The following PIGL variants were observed in gnomAD, a reference collection of about 807,000 sequenced individuals.
PIGL encodes N-acetylglucosaminyl-phosphatidylinositol de-N-acetylase.
In PIGL, 22 loss-of-function variants were observed where a neutral mutation model predicts 31.1. The observed-to-expected ratio is 0.71, with a 90% CI of 0.51 to 1.01. The LOEUF (loss-of-function observed/expected upper bound fraction) is 1.01, where lower values mean the gene tolerates loss of function less well. Among genes scored for constraint, PIGL ranks in the 50% least tolerant of loss-of-function variants. The probability of loss-of-function intolerance (pLI) is 0.00; values close to 1 mark genes in which losing one functional copy is unlikely to be tolerated. For synonymous variants in PIGL, 131 were observed against 117.4 expected (o/e 1.12, Z -0.75); for missense variants, 302 against 315.9 (o/e 0.96, Z 0.33).
Position 16,326,085 on chromosome 17 carries a change from C to T in PIGL, c.*187C>T, listed in dbSNP as rs1484303910. 1.8e-6 allele frequency: 1 copy of T among 567,380 alleles called. No individual in the cohort carries two copies. Among genetic ancestry groups the T allele is most frequent in the Non-Finnish European group, 3.1e-6 (1 of 320,948 alleles). The allele number at this position is 567,380 out of a possible 1,614,324, so 35.1% of individuals were successfully genotyped here. On this transcript the variant is annotated 3_prime_UTR_variant, in exon 7 of 7. Transcript: ENST00000225609. The stretch of plus-strand genomic sequence containing the variant: ...CCAGCTTCTTCCCCTGGGAAAAAAC[C>T]CAAAGAACCAAAAACAAACCACCCC...
Position 16,316,699 on chromosome 17 carries a change from G to A in PIGL, c.513G>A (p.Gly171=), listed in dbSNP as rs1208949560. The change falls in exon 5 of 7, where the codon GGG becomes GGA. Residue 171 remains glycine, a synonymous_variant. Transcript: ENST00000225609. ...CCTCCAGGGCCCTGCACTCAGAAGG[G>A]AAGTTACCTAAAGGTAAGGCTTGTT... ...YAAVRALHSE[G]KLPKGCSVLT... 1.2e-6 allele frequency: 2 copies of A among 1,607,208 alleles called. No individual in the cohort carries two copies. Among genetic ancestry groups the A allele is most frequent in the Admixed American group, 1.7e-5 (1 of 59,894 alleles).
At chr17:16,287,385 A>G (rs2092942732) in intron 2 of PIGL, among the ~76,000 whole-genome samples, 1 of 152,246 alleles carries the variant, frequency 6.6e-6, no homozygotes, top group African/African-American at 2.4e-5. Flanking sequence ...GGGAACACAC[A>G]GCCAGTGCCC....
intron 2 of PIGL, among the ~76,000 whole-genome samples, chr17:16,240,686 A>T (rs2092719080): frequency 6.6e-6 from 1 of 151,110 alleles, no homozygotes; most frequent in Non-Finnish European, 1.5e-5. Flanking sequence ...TTTTCGGTAG[A>T]GATGGAGTCT....
At chr17:16,222,901 A>G (rs1027912492) in intron 1 of PIGL, among the ~76,000 whole-genome samples, 1 of 151,960 alleles carries the variant, frequency 6.6e-6, no homozygotes, top group African/African-American at 2.4e-5. Context: ...AATCCCAGCT[A>G]CTCTGGAGGC....
At chr17:16,285,744 C>A (rs926115490) in intron 2 of PIGL, among the ~76,000 whole-genome samples, 3 of 152,000 alleles carry the variant, frequency 2.0e-5, no homozygotes, top group Admixed American at 6.6e-5. Context: ...TTTTTTCAGT[C>A]CTTTTTCTTT....
intron 2 of PIGL, among the ~76,000 whole-genome samples, chr17:16,293,476 C>T (rs1486847368): frequency 2.0e-5 from 3 of 152,144 alleles, no homozygotes; most frequent in Non-Finnish European, 2.9e-5. Flanking sequence ...TGCAGTGAGC[C>T]GAGATCGCAC....
intron 3 of PIGL, among the ~76,000 whole-genome samples, chr17:16,308,093 G>A (rs777354955): frequency 6.6e-6 from 1 of 152,116 alleles, no homozygotes; most frequent in Admixed American, 6.5e-5. Context: ...CCAGCACTTT[G>A]GGAGGCTGAG....
At chr17:16,239,690 C>A (rs571402876) in intron 2 of PIGL, among the ~76,000 whole-genome samples, 21 of 152,030 alleles carry the variant, frequency 1.4e-4, no homozygotes, top group Middle Eastern at 3.4e-3. Flanking sequence ...TTGAAGAGAT[C>A]AAGATTGTAG....
chr17:16,291,664 G>A (rs1017358419), intron 2 of PIGL, among the ~76,000 whole-genome samples: 4 of 151,900 alleles, frequency 2.6e-5, no homozygotes, highest in Non-Finnish European at 5.9e-5. Context: ...TCAGGAGTTC[G>A]AGACCAGCCT....
intron 2 of PIGL, among the ~76,000 whole-genome samples, chr17:16,238,478 C>A (rs1269362209): frequency 6.9e-6 from 1 of 145,064 alleles, no homozygotes; most frequent in African/African-American, 2.5e-5. Context: ...CTCTGTCACC[C>A]AGGCTGCAGT....
At chr17:16,294,085 CT>C (rs2092971527) in intron 2 of PIGL, among the ~76,000 whole-genome samples, 1 of 152,152 alleles carries the variant, frequency 6.6e-6, no homozygotes, top group Non-Finnish European at 1.5e-5. Context: ...CCACGCCTTT[CT>C]TTTAGTGGCT....
At chr17:16,301,612 C>A (rs968678324) in intron 3 of PIGL, among the ~76,000 whole-genome samples, 4 of 147,544 alleles carry the variant, frequency 2.7e-5, no homozygotes, top group Non-Finnish European at 5.9e-5. Flanking sequence ...CGCTCTGTTG[C>A]CCAGGCTGGA....
intron 2 of PIGL, among the ~76,000 whole-genome samples, chr17:16,294,454 A>C (rs1006517124): frequency 2.6e-5 from 4 of 151,972 alleles, no homozygotes; most frequent in Non-Finnish European, 4.4e-5. Flanking sequence ...CATGTCCCCC[A>C]GTACGGTTCT....
At chr17:16,321,946 G>A (rs967438006) in intron 6 of PIGL, among the ~76,000 whole-genome samples, 14 of 151,692 alleles carry the variant, frequency 9.2e-5, no homozygotes, top group African/African-American at 3.4e-4. Context: ...CACCACGCCT[G>A]GCTAATTTTG....
chr17:16,297,010 G>T (rs576640879), intron 2 of PIGL, among the ~76,000 whole-genome samples: 1 of 152,144 alleles, frequency 6.6e-6, no homozygotes, highest in Non-Finnish European at 1.5e-5. Context: ...GTGAGCCACC[G>T]TTCCGGCCCT....
chr17:16,234,140 C>T (rs1216200542), intron 2 of PIGL, 70 bp downstream of exon 2: 1 of 865,222 alleles, frequency 1.2e-6, no homozygotes, highest in Non-Finnish European at 1.9e-6. Flanking sequence ...AAAAGACACA[C>T]AAAAAACTAA....
At chr17:16,319,211 C>G (rs1489750171) in intron 6 of PIGL, among the ~76,000 whole-genome samples, 2 of 114,272 alleles carry the variant, frequency 1.8e-5, no homozygotes, top group Admixed American at 1.0e-4. Context: ...GGCAACAGAG[C>G]CAGACCCTAG....
chr17:16,238,470 C>G (rs1398155887), intron 2 of PIGL, among the ~76,000 whole-genome samples: 5 of 134,104 alleles, frequency 3.7e-5, no homozygotes, highest in Admixed American at 3.2e-4. Flanking sequence ...GGGTCTTGCT[C>G]TGTCACCCAG....
intron 1 of PIGL, among the ~76,000 whole-genome samples, chr17:16,221,221 T>A (rs571654988): frequency 6.6e-6 from 1 of 152,214 alleles, no homozygotes; most frequent in Middle Eastern, 3.2e-3. Flanking sequence ...AGGATGAATT[T>A]ATTAAAGAGC....
Sources: gnomAD v4.1 joint callset for allele counts (sites outside exome capture counted in the v4.1 genomes callset) on GRCh38, gnomAD v4.1.1 for gene constraint, MANE v1.5 for transcripts, NCBI Gene and HGNC (gene_info 2026-07-23, HGNC 2026-07-21) for gene names.